ADAMTSL5: variants seen among roughly 807,000 people sequenced by gnomAD.
The protein encoded by ADAMTSL5 is ADAMTS like 5, also known as ADAMTS-like protein 5.
A neutral mutation model predicts 51.7 loss-of-function variants in ADAMTSL5; 53 were observed. The observed-to-expected ratio is 1.03, with a 90% CI of 0.82 to 1.29. ADAMTSL5 has a LOEUF of 1.29. Among genes scored for constraint, ADAMTSL5 ranks in the 50% most tolerant of loss-of-function variants. ADAMTSL5 has a pLI of 0.00. For synonymous variants in ADAMTSL5, 285 were observed against 278.7 expected (o/e 1.02, Z -0.23); for missense variants, 770 against 676.2 (o/e 1.14, Z -1.54).
rs753752128 is a variant in ADAMTSL5, at chr19:1,506,784, C to T, written c.997G>A (p.Ala333Thr). 2.2e-5 allele frequency: 34 copies of T among 1,542,076 alleles called. No individual in the cohort carries two copies. The highest frequency in any genetic ancestry group is 9.7e-5 in the East Asian group (4 of 41,446). Residue 333 changes from alanine to threonine, a missense_variant, in exon 10 of 12, where the codon GCA becomes ACA. By Grantham distance (58) the Ala-to-Thr change is moderately conservative. Coordinates refer to ENST00000330475, the MANE Select transcript of ADAMTSL5 (RefSeq NM_213604.3). The surrounding 1 kb of genome is among the most constrained non-coding windows in gnomAD (Gnocchi z 5.6). Reference sequence around the variant, plus strand: ...TGTGCAGGGGTGACAGCAGGGGCTGCGGGGGGCTGAGGCTCCACCCCCCGG... The same window carrying T: ...TGTGCAGGGGTGACAGCAGGGGCTGTGGGGGGCTGAGGCTCCACCCCCCGG... ...QPRGVEPQPP[A>T]APAVTPAQTP...
rs1912885094 is a variant in ADAMTSL5 at position 1,505,805 on chromosome 19, G to A, written c.*210C>T. 1 of 547,878 alleles carries A rather than the reference G, an allele frequency of 1.8e-6. No individual in the cohort carries two copies. The highest frequency in any genetic ancestry group is 3.8e-5 in the Admixed American group (1 of 26,530). The allele number at this position is 547,878 out of a possible 1,614,324, so 33.9% of individuals were successfully genotyped here. A position where few individuals can be genotyped will look rare whatever the true frequency, so the allele number is the denominator to read the frequency against. ...AAATAAAAGTCAGAGTCTCCTTAGT[G>A]CCTCCTCACCAGTGCCTGCCGGCTT... is the stretch of plus-strand genomic sequence containing the variant. On this transcript the variant is annotated 3_prime_UTR_variant, in exon 12 of 12. Coordinates refer to ENST00000330475, the MANE Select transcript of ADAMTSL5 (RefSeq NM_213604.3).
chr19:1,508,640 T>G (rs1913095879), intron 5 of ADAMTSL5, 70 bp from the exon 6 acceptor site: 2 of 1,436,930 alleles, frequency 1.4e-6, no homozygotes, highest in Non-Finnish European at 1.8e-6. Context: ...CCAAGCTTCA[T>G]CAGGCAACCA....
At position 1,506,913 on chromosome 19, in the gene ADAMTSL5, G is replaced by A. The variant is rs757244835; in HGVS notation, c.868C>T (p.Pro290Ser). 3.4e-5 allele frequency: 53 copies of A among 1,548,184 alleles called. No individual in the cohort carries two copies. The highest frequency in any genetic ancestry group is 8.7e-7 in the Non-Finnish European group (1 of 1,145,992). ...DLLLQVLLQE[P>S]NPGIEFEFWL... is the part of the protein sequence containing the mutation. Reference sequence around the variant, plus strand: ...AACTCAAACTCGATGCCAGGGTTGGGCTCCTGCAGGAGGACCTGGAGCAGG... The same window carrying A: ...AACTCAAACTCGATGCCAGGGTTGGACTCCTGCAGGAGGACCTGGAGCAGG... The change falls in exon 10 of 12, where the codon CCC (proline) becomes TCC (serine). Residue 290 changes from proline (P) to serine (S), a missense_variant. By Grantham distance (74) the Pro-to-Ser change is moderately conservative. Transcript: ENST00000330475. The surrounding 1 kb of genome is among the most constrained non-coding windows in gnomAD (Gnocchi z 5.6).
rs1412029214 is a variant in ADAMTSL5 at position 1,506,713 on chromosome 19, C to T, written c.1042+26G>A. 2 of 1,479,252 alleles carry T rather than the reference C, an allele frequency of 1.4e-6. No individual in the cohort carries two copies. Among genetic ancestry groups the T allele is most frequent in the Middle Eastern group, 2.0e-4 (1 of 5,030 alleles). 91.6% of individuals were successfully genotyped at this position (1,479,252 alleles called of 1,614,324 possible). ...GCACAGGCCTCAGTCCCCACTCATC[C>T]CCCACCCTGGCTGTCCCCACCTCAC... On this transcript the variant is annotated intron_variant, in intron 10 of 11. Transcript: ENST00000330475. This position sits in a 1 kb window ranked among gnomAD's most constrained non-coding sequence, Gnocchi z 5.6.
chr19:1,505,358 G>A lies in ADAMTSL5; in HGVS notation c.*657C>T, dbSNP rs954457090. On this transcript the variant is annotated 3_prime_UTR_variant, in exon 12 of 12. Transcript: ENST00000330475. The stretch of plus-strand genomic sequence containing the variant: ...ACTTCAGCCTAGGTGACAGAGCAAG[G>A]GTCTACCTCAGAAAAAAAAAAAAAG... 2 of 144,488 alleles carry A rather than the reference G, an allele frequency of 1.4e-5. No homozygotes were observed. The highest frequency in any genetic ancestry group is 3.1e-5 in the Non-Finnish European group (2 of 65,424). The allele number at this position is 144,488 out of a possible 1,614,324, so 9.0% of individuals were successfully genotyped here. A position where few individuals can be genotyped will look rare whatever the true frequency, so the allele number is the denominator to read the frequency against.
chr19:1,508,495 C>T lies in ADAMTSL5; in HGVS notation c.437G>A (p.Gly146Asp), dbSNP rs1165126852. ...CTGGGCACCCGGGCTGCAGGCGGTG[C>T]CGTCCAGGACGCGGCCGAAGCTGTG... ...FYHSFGRVLD[G>D]TACSPGAQGV... Residue 146 changes from glycine to aspartate, a missense_variant, in exon 6 of 12, where the codon GGC becomes GAC. Coordinates refer to ENST00000330475, the MANE Select transcript of ADAMTSL5 (RefSeq NM_213604.3). 1.3e-6 allele frequency: 2 copies of T among 1,586,528 alleles called. No homozygotes were observed.
At position 1,507,324 on chromosome 19, in the gene ADAMTSL5, G is replaced by C. The variant is rs779481294; in HGVS notation, c.770C>G (p.Thr257Arg). The change falls in exon 9 of 12, where the codon ACG becomes AGG. Residue 257 changes from threonine (T) to arginine (R), a missense_variant. Physicochemically the swap from Thr to Arg is moderately conservative, Grantham distance 71. Coordinates refer to ENST00000330475, the MANE Select transcript of ADAMTSL5 (RefSeq NM_213604.3). ...SPPGTYEAAG[T>R]HVVYTRDTGP... ...TGTGTCTCGGGTGTAGACCACATGC[G>C]TGCCGGCCGCCTCGTAGGTCCCTGG... The C allele has an allele frequency of 1.3e-6, 2 of 1,595,572 alleles. No individual in the cohort carries two copies. Among genetic ancestry groups the C allele is most frequent in the Admixed American group, 1.7e-5 (1 of 57,666 alleles).
intron 6 of ADAMTSL5, 69 bp from the exon 7 acceptor site, chr19:1,508,178 C>T: frequency 1.4e-6 from 2 of 1,471,986 alleles, no homozygotes; most frequent in South Asian, 1.2e-5. Context: ...AAGGGCAGTG[C>T]CTGGGAGCAA....
Position 1,510,893 on chromosome 19 carries a change from C to A in ADAMTSL5, c.51G>T (p.Leu17=). The A allele has an allele frequency of 6.6e-7, 1 of 1,522,060 alleles. No individual in the cohort carries two copies. 94.3% of individuals were successfully genotyped at this position (1,522,060 alleles called of 1,614,324 possible). Residue 17 remains leucine (L), a synonymous_variant, in exon 2 of 12, where the codon CTG becomes CTT. Coordinates refer to ENST00000330475, the MANE Select transcript of ADAMTSL5 (RefSeq NM_213604.3). The part of the protein sequence containing the change: ...FPRPHLFQNL[L]LFLWALLNCG... Reference sequence around the variant, plus strand: ...AGTTCAGCAGGGCCCACAGGAAGAGCAGGAGGTTCTGGAAGAGGTGGGGCC... The same window carrying A: ...AGTTCAGCAGGGCCCACAGGAAGAGAAGGAGGTTCTGGAAGAGGTGGGGCC...
At position 1,510,949 on chromosome 19, in the gene ADAMTSL5, C is replaced by T; in HGVS notation, c.-6G>A. ...AACAGAGGGGCCGAGTCCATAGAGC[C>T]ACCGCCAGAGACACAGGGTTGTGTC... On this transcript the variant is annotated 5_prime_UTR_variant, in exon 2 of 12. Coordinates refer to ENST00000330475, the MANE Select transcript of ADAMTSL5 (RefSeq NM_213604.3). 1 of 1,421,448 alleles carries T rather than the reference C, an allele frequency of 7.0e-7. No individual in the cohort carries two copies. Among genetic ancestry groups the T allele is most frequent in the Non-Finnish European group, 9.2e-7 (1 of 1,090,622 alleles). 88.1% of individuals were successfully genotyped at this position (1,421,448 alleles called of 1,614,324 possible).
intron 2 of ADAMTSL5, 26 bp downstream of exon 2, chr19:1,510,818 AC>A: frequency 2.0e-6 from 3 of 1,509,358 alleles, no homozygotes; most frequent in East Asian, 2.5e-5. Flanking sequence ...CCCACTCGCC[AC>A]CCCCTGGGCT....
At position 1,506,717 on chromosome 19, in the gene ADAMTSL5, A is replaced by C. The variant is rs80288391; in HGVS notation, c.1042+22T>G. The C allele has an allele frequency of 1.3e-6, 2 of 1,549,072 alleles. No individual in the cohort carries two copies. Among genetic ancestry groups the C allele is most frequent in the Non-Finnish European group, 1.7e-6 (2 of 1,145,968 alleles). On this transcript the variant is annotated intron_variant, in intron 10 of 11. Transcript: ENST00000330475. The surrounding 1 kb of genome is among the most constrained non-coding windows in gnomAD (Gnocchi z 5.6). ...AGGCCTCAGTCCCCACTCATCCCCC[A>C]CCCTGGCTGTCCCCACCTCACCTGG...
At chr19:1,511,600 C>A (rs889696498) in intron 1 of ADAMTSL5, 15 of 1,266,052 alleles carry the variant, frequency 1.2e-5, no homozygotes, top group Non-Finnish European at 1.5e-5. Context: ...CCCCTCCCCG[C>A]CCTCCCCACC....
chr19:1,510,039 G>A, intron 5 of ADAMTSL5, 111 bp downstream of exon 5: 1 of 837,314 alleles, frequency 1.2e-6, no homozygotes, highest in Non-Finnish European at 1.8e-6. Context: ...ATCCTTCAAA[G>A]CCCTAGCACT....
Position 1,508,519 on chromosome 19 carries a change from T to C in ADAMTSL5, c.413A>G (p.His138Arg). 1 of 1,586,412 alleles carries C rather than the reference T, an allele frequency of 6.3e-7. No homozygotes were observed. The highest frequency in any genetic ancestry group is 8.5e-7 in the Non-Finnish European group (1 of 1,173,484). ...GCCGTCCAGGACGCGGCCGAAGCTG[T>C]GGTAGAAGGCGTGCCCCTCAGCCAG... ...NCLAEGHAFY[H>R]SFGRVLDGTA... The change falls in exon 6 of 12, where the codon CAC (histidine) becomes CGC (arginine). Residue 138 changes from histidine (H) to arginine (R), a missense_variant. His to Arg is a conservative substitution (Grantham distance 29, BLOSUM62 0). Transcript: ENST00000330475.
intron 4 of ADAMTSL5, 35 bp downstream of exon 4, chr19:1,510,333 G>A: frequency 6.2e-7 from 1 of 1,613,698 alleles, no homozygotes; most frequent in Non-Finnish European, 8.5e-7. Flanking sequence ...GCAGTCTGGG[G>A]TGGGAGAGTG....
At position 1,507,575 on chromosome 19, in the gene ADAMTSL5, T is replaced by C. The variant is rs561850127; in HGVS notation, c.670A>G (p.Arg224Gly). The C allele has an allele frequency of 1.6e-5, 26 of 1,613,542 alleles. No individual in the cohort carries two copies. The African/African-American group carries it at 2.8e-4, about 17-fold the overall frequency. Reference sequence around the variant, plus strand: ...AGGATACCCAGGTGGTTGCGGCTCCTGTGTTCCACGCGGATGTGTCTGGCG... The same window carrying C: ...AGGATACCCAGGTGGTTGCGGCTCCCGTGTTCCACGCGGATGTGTCTGGCG... Reference protein sequence around the residue: ...EGARHIRVEHRSRNHLALMGG... With the variant: ...EGARHIRVEHGSRNHLALMGG... The change falls in exon 8 of 12, where the codon AGG (arginine) becomes GGG (glycine). Residue 224 changes from arginine to glycine, a missense_variant. Transcript: ENST00000330475.
Position 1,506,964 on chromosome 19 carries a change from G to A in ADAMTSL5, c.853-36C>T. 2 of 1,527,020 alleles carry A rather than the reference G, an allele frequency of 1.3e-6. No homozygotes were observed. The highest frequency in any genetic ancestry group is 2.3e-5 in the Admixed American group (1 of 43,456). 94.6% of individuals were successfully genotyped at this position (1,527,020 alleles called of 1,614,324 possible). ...GGAGGGGACACAGGGAGCTTCACAGGAGGCTGGGGTTGCCTCCTGCCTCTG... is the reference window on the plus strand; with the variant it reads ...GGAGGGGACACAGGGAGCTTCACAGAAGGCTGGGGTTGCCTCCTGCCTCTG... On this transcript the variant is annotated intron_variant, in intron 9 of 11. Transcript: ENST00000330475. This position sits in a 1 kb window ranked among gnomAD's most constrained non-coding sequence, Gnocchi z 5.6.
In ADAMTSL5 at chr19:1,510,836, C is replaced by G. The variant is rs757353472; in HGVS notation, c.99+9G>C. Reference sequence around the variant, plus strand: ...ACTCGCCACCCCCTGGGCTCATGCCCCCCCTTACCTGAGCACTGACCCCCA... The same window carrying G: ...ACTCGCCACCCCCTGGGCTCATGCCGCCCCTTACCTGAGCACTGACCCCCA... On this transcript the variant is annotated intron_variant, in intron 2 of 11. Coordinates refer to ENST00000330475, the MANE Select transcript of ADAMTSL5 (RefSeq NM_213604.3). 7 of 1,541,654 alleles carry G rather than the reference C, an allele frequency of 4.5e-6. No homozygotes were observed. The highest frequency in any genetic ancestry group is 6.1e-6 in the Non-Finnish European group (7 of 1,150,458).
Sources: gnomAD v4.1 joint callset for allele counts on GRCh38, gnomAD v4.1.1 for gene constraint, Gnocchi (gnomAD v3.1) non-coding constraint, MANE v1.5 for transcripts, NCBI Gene and HGNC (gene_info 2026-07-23, HGNC 2026-07-21) for gene names.